The following SHBG variants were observed in gnomAD, a reference collection of about 807,000 sequenced individuals.
SHBG encodes the protein sex hormone binding globulin.
SHBG carries 37 observed loss-of-function variants against 41.9 expected under a neutral mutation model. The ratio of observed to expected loss-of-function variants is 0.88; its 90% CI spans 0.68 to 1.16. The LOEUF (loss-of-function observed/expected upper bound fraction) is 1.16, where lower values mean the gene tolerates loss of function less well. Among genes scored for constraint, SHBG ranks in the 50% most tolerant of loss-of-function variants. The probability of loss-of-function intolerance (pLI) is 0.00; values close to 1 mark genes in which losing one functional copy is unlikely to be tolerated. For missense variants in SHBG, 466 were observed against 499.9 expected, an observed-to-expected ratio of 0.93 and a Z score of 0.65; for synonymous variants, 217 against 205.8, an observed-to-expected ratio of 1.05 and a Z score of -0.47.
chr17:7,621,841 TA>T (rs1416334864), intron 1 of SHBG, among the ~76,000 whole-genome samples: 2 of 151,568 alleles, frequency 1.3e-5, no homozygotes, highest in African/African-American at 4.8e-5. Flanking sequence ...AGAGACATTT[TA>T]ATTTTTTTTT....
chr17:7,624,552 G>T (rs1597902697), upstream of SHBG, among the ~76,000 whole-genome samples: 1 of 152,076 alleles, frequency 6.6e-6, no homozygotes, highest in African/African-American at 2.4e-5. Context: ...ATTTTGTAGA[G>T]ATGTGGTCTT....
upstream of SHBG, among the ~76,000 whole-genome samples, chr17:7,625,386 G>T (rs564861342): frequency 6.6e-6 from 1 of 150,908 alleles, no homozygotes; most frequent in Admixed American, 6.6e-5. Context: ...GACCATCCTG[G>T]CTAACACGGT....
rs763503065 is a variant in SHBG at position 7,630,783 on chromosome 17, G to A, written c.307G>A (p.Gly103Ser). Residue 103 changes from glycine (G) to serine (S), a missense_variant, in exon 3 of 8, where the codon GGC (glycine) becomes AGC (serine). Coordinates refer to ENST00000380450, the MANE Select transcript of SHBG (RefSeq NM_001040.5). This position sits in a 1 kb window ranked among gnomAD's most constrained non-coding sequence, Gnocchi z 4.6. ...DDWFMLGLRD[G>S]RPEIQLHNHW... ...CTGGTTTATGCTGGGACTTCGAGAC[G>A]GCAGGCCTGAGATCCAACTGCACAA... The A allele has an allele frequency of 1.5e-5, 25 of 1,613,996 alleles. No individual in the cohort carries two copies. Among genetic ancestry groups the A allele is most frequent in the Middle Eastern group, 1.7e-4 (1 of 6,048 alleles).
At chr17:7,620,898 T>G (rs947302709) in intron 1 of SHBG, among the ~76,000 whole-genome samples, 1 of 151,964 alleles carries the variant, frequency 6.6e-6, no homozygotes, top group Non-Finnish European at 1.5e-5. Flanking sequence ...CCCAGAGTGC[T>G]AGAATTACGG....
upstream of SHBG, among the ~76,000 whole-genome samples, chr17:7,623,176 T>C (rs1737841562): frequency 6.6e-6 from 1 of 152,178 alleles, no homozygotes; most frequent in African/African-American, 2.4e-5. Context: ...GCAGATCACC[T>C]GAGGTCAGAA....
At chr17:7,614,530 C>A (rs1029145450) in intron 1 of SHBG, 4 of 1,483,600 alleles carry the variant, frequency 2.7e-6, no homozygotes, top group African/African-American at 1.5e-5. Flanking sequence ...CCAGGCCGCC[C>A]ATGGCGCCGC....
Position 7,631,645 on chromosome 17 carries a change from C to A in SHBG, c.612C>A (p.Ala204=), listed in dbSNP as rs148740302. 3.7e-6 allele frequency: 6 copies of A among 1,613,998 alleles called. No homozygotes were observed. Among genetic ancestry groups the A allele is most frequent in the Non-Finnish European group, 8.5e-7 (1 of 1,180,014 alleles). The change falls in exon 5 of 8, where the codon GCC becomes GCA. Residue 204 remains alanine, a synonymous_variant. Coordinates refer to ENST00000380450, the MANE Select transcript of SHBG (RefSeq NM_001040.5). ...LRRDSWLDKQ[A]EISASAPTSL... ...GGGATTCCTGGCTGGACAAACAGGCCGAGATCTCAGCATCTGCCCCCACTA... is the reference window on the plus strand; with the variant it reads ...GGGATTCCTGGCTGGACAAACAGGCAGAGATCTCAGCATCTGCCCCCACTA...
At chr17:7,615,532 G>A (rs1597889136) in intron 1 of SHBG, among the ~76,000 whole-genome samples, 1 of 152,174 alleles carries the variant, frequency 6.6e-6, no homozygotes, top group South Asian at 2.1e-4. Context: ...CGGGCGCGGT[G>A]GCTCACGCCT....
At chr17:7,626,701 A>G (rs972594146), upstream of SHBG, 9 of 1,613,430 alleles carry the variant, frequency 5.6e-6, no homozygotes, top group Admixed American at 3.3e-5. Flanking sequence ...TCCCCCCTCC[A>G]TATACCCTTG....
At chr17:7,615,595 G>C (rs1028402218) in intron 1 of SHBG, among the ~76,000 whole-genome samples, 1 of 148,822 alleles carries the variant, frequency 6.7e-6, no homozygotes, top group South Asian at 2.1e-4. Flanking sequence ...GAGGTCCTCG[G>C]ATCACCTGAG....
chr17:7,627,068 A>AG, upstream of SHBG: 2 of 1,613,362 alleles, frequency 1.2e-6, no homozygotes, highest in Non-Finnish European at 1.7e-6. This position sits in a 1 kb window ranked among gnomAD's most constrained non-coding sequence, Gnocchi z 4.8. Context: ...AAGGGGAGTA[A>AG]GGCTTCTGGA....
rs757743154 is a variant in SHBG at position 7,631,657 on chromosome 17, A to G, written c.624A>G (p.Ala208=). ...TGGACAAACAGGCCGAGATCTCAGC[A>G]TCTGCCCCCACTAGCCTCAGAAGCT... The part of the protein sequence containing the change: ...SWLDKQAEIS[A]SAPTSLRSCD... Residue 208 remains alanine (A), a synonymous_variant, in exon 5 of 8, where the codon GCA becomes GCG. Coordinates refer to ENST00000380450, the MANE Select transcript of SHBG (RefSeq NM_001040.5). 1.2e-6 allele frequency: 2 copies of G among 1,614,134 alleles called. No individual in the cohort carries two copies. The highest frequency in any genetic ancestry group is 1.7e-6 in the Non-Finnish European group (2 of 1,180,010).
At chr17:7,626,599 C>T, upstream of SHBG, 1 of 1,613,290 alleles carries the variant, frequency 6.2e-7, no homozygotes, top group East Asian at 2.2e-5. Flanking sequence ...TGGGAGCAGC[C>T]CTTATCCAAG....
At chr17:7,616,225 G>A (rs937492446) in intron 1 of SHBG, among the ~76,000 whole-genome samples, 1 of 151,564 alleles carries the variant, frequency 6.6e-6, no homozygotes, top group Admixed American at 6.6e-5. Context: ...CAGGAGAATC[G>A]CTTGAACCTA....
chr17:7,618,915 G>C (rs1035446910), intron 1 of SHBG, among the ~76,000 whole-genome samples: 22 of 152,102 alleles, frequency 1.4e-4, no homozygotes, highest in Admixed American at 4.6e-4. Flanking sequence ...CTAAGTGTTT[G>C]TATATCCTTA....
upstream of SHBG, among the ~76,000 whole-genome samples, chr17:7,629,697 C>T (rs62059839): frequency 0.18 from 27,361 of 152,164 alleles, 3,118 homozygotes; most frequent in Non-Finnish European, 0.26. Context: ...GACAAGGACA[C>T]TGAAGCACAG....
upstream of SHBG, among the ~76,000 whole-genome samples, chr17:7,625,245 G>C (rs1349718560): frequency 6.6e-6 from 1 of 151,580 alleles, no homozygotes; most frequent in African/African-American, 2.4e-5. Flanking sequence ...CACTGAGCCC[G>C]GCCAGGCATG....
upstream of SHBG, chr17:7,627,689 G>A: frequency 6.2e-7 from 1 of 1,604,568 alleles, no homozygotes; most frequent in Non-Finnish European, 8.5e-7. This position sits in a 1 kb window ranked among gnomAD's most constrained non-coding sequence, Gnocchi z 4.8. Context: ...ACGGCAACTA[G>A]ACCCCTTAAA....
rs768290337 is a variant in SHBG, at chr17:7,632,972, G to A, written c.1060+13G>A. The A allele has an allele frequency of 3.1e-6, 5 of 1,608,768 alleles. No individual in the cohort carries two copies. Among genetic ancestry groups the A allele is most frequent in the South Asian group, 1.1e-5 (1 of 90,896 alleles). On this transcript the variant is annotated intron_variant, in intron 7 of 7. Coordinates refer to ENST00000380450, the MANE Select transcript of SHBG (RefSeq NM_001040.5). Reference sequence around the variant, plus strand: ...GGGGCTTTACCAGGTAAGAGAGAATGATGTTCAAGTTCATGAGCACAACAT... The same window carrying A: ...GGGGCTTTACCAGGTAAGAGAGAATAATGTTCAAGTTCATGAGCACAACAT...
Sources: allele counts gnomAD v4.1 joint callset (sites outside exome capture counted in the v4.1 genomes callset), GRCh38; gene constraint gnomAD v4.1.1; non-coding constraint Gnocchi (gnomAD v3.1); transcripts MANE v1.5; gene names NCBI Gene and HGNC (gene_info 2026-07-23, HGNC 2026-07-21).